Variants in PPP1R9A observed in about 807,000 individuals in gnomAD.
PPP1R9A encodes the protein protein phosphatase 1 regulatory subunit 9A.
PPP1R9A carries 59 observed loss-of-function variants against 141.9 expected under a neutral mutation model. The observed-to-expected ratio is 0.42, with a 90% confidence interval of 0.34 to 0.52. The LOEUF is 0.52. PPP1R9A is among the 20% of genes least tolerant of loss of function. PPP1R9A has a pLI of 0.10. For synonymous variants in PPP1R9A, 500 were observed against 569.7 expected, an observed-to-expected ratio of 0.88 and a Z score of 1.74; for missense variants, 1,444 against 1,611.9, an observed-to-expected ratio of 0.90 and a Z score of 1.78.
In PPP1R9A at chr7:94,994,930, CT is replaced by C. The variant is rs1198600889; in HGVS notation, c.1395+83427del. On this transcript the variant is annotated intron_variant, in intron 2 of 19. Transcript: ENST00000433360. ...CAAAAAACCCACAAAACCCAAATTG[CT>C]TTTTCAAGGTAAGCCAAATTTGCAT... 2.6e-5 allele frequency among the ~76,000 whole-genome samples: 4 copies of C among 151,726 alleles called. No individual in the cohort carries two copies. In the East Asian group the frequency reaches 5.8e-4, roughly 22 times the overall value.
At chr7:95,076,992 C>T (rs1244076967) in intron 2 of PPP1R9A, among the ~76,000 whole-genome samples, 3 of 150,944 alleles carry the variant, frequency 2.0e-5, no homozygotes, top group Non-Finnish European at 3.0e-5. Flanking sequence ...TATTTTTTTT[C>T]TTGTCTGATT....
At chr7:95,082,324 G>A (rs1381193835) in intron 2 of PPP1R9A, among the ~76,000 whole-genome samples, 2 of 148,826 alleles carry the variant, frequency 1.3e-5, no homozygotes, top group Non-Finnish European at 3.0e-5. Context: ...CATGTGTAGA[G>A]CTGTGAGCAT....
Position 95,194,420 on chromosome 7 carries a change from C to G in PPP1R9A, c.1755-3929C>G, listed in dbSNP as rs371006094. On this transcript the variant is annotated intron_variant, in intron 5 of 19. Transcript: ENST00000433360. ...GCAGTGAACAAAGTGAGGATGTCTACTCTTACCCCTTCTTTTTAATATATG... is the reference window on the plus strand; with the variant it reads ...GCAGTGAACAAAGTGAGGATGTCTAGTCTTACCCCTTCTTTTTAATATATG... 6.6e-5 allele frequency among the ~76,000 whole-genome samples: 10 copies of G among 152,146 alleles called. No homozygotes were observed. In the East Asian group the frequency reaches 1.7e-3, roughly 26 times the overall value.
At position 95,295,655 on chromosome 7, in the gene PPP1R9A, G is replaced by A. The variant is rs1807006607; in HGVS notation, c.*5352G>A. The A allele has an allele frequency of 6.6e-6, 1 of 152,158 alleles. No homozygotes were observed. 9.4% of individuals were successfully genotyped at this position (152,158 alleles called of 1,614,324 possible). A position where few individuals can be genotyped will look rare whatever the true frequency, so the allele number is the denominator to read the frequency against. On this transcript the variant is annotated 3_prime_UTR_variant, in exon 20 of 20. Transcript: ENST00000433360. ...TGGTTGGGAGTGTATGTTGTTGGAAGGTGTACACTTCTGTTTCTTTCAGCT... is the reference window on the plus strand; with the variant it reads ...TGGTTGGGAGTGTATGTTGTTGGAAAGTGTACACTTCTGTTTCTTTCAGCT...
chr7:95,062,685 G>T (rs1454468464), intron 2 of PPP1R9A, among the ~76,000 whole-genome samples: 1 of 152,022 alleles, frequency 6.6e-6, no homozygotes, highest in African/African-American at 2.4e-5. Context: ...ACCGCACCCG[G>T]CCAAGGGGGA....
chr7:95,256,110 A>G (rs1344010493), intron 12 of PPP1R9A, among the ~76,000 whole-genome samples: 1 of 151,884 alleles, frequency 6.6e-6, no homozygotes, highest in East Asian at 1.9e-4. Flanking sequence ...TCCCTTAGTT[A>G]CTTACTGTTC....
chr7:95,153,295 GAAGTT>G (rs1272997631), intron 4 of PPP1R9A, among the ~76,000 whole-genome samples: 2 of 152,270 alleles, frequency 1.3e-5, no homozygotes, highest in African/African-American at 4.8e-5. Flanking sequence ...TCAAGATCTT[GAAGTT>G]AAGTACACAA....
intron 5 of PPP1R9A, among the ~76,000 whole-genome samples, chr7:95,195,926 A>C (rs562307572): frequency 6.6e-6 from 1 of 152,218 alleles, no homozygotes; most frequent in Admixed American, 6.5e-5. Flanking sequence ...CATGGGGCAC[A>C]TGCTTGTTAG....
chr7:95,086,082 A>G (rs1418794918), intron 2 of PPP1R9A, among the ~76,000 whole-genome samples: 1 of 151,844 alleles, frequency 6.6e-6, no homozygotes, highest in Non-Finnish European at 1.5e-5. Flanking sequence ...CCAAAATAAT[A>G]TTAAAATTTA....
chr7:95,103,639 A>G (rs779639574), intron 2 of PPP1R9A, among the ~76,000 whole-genome samples: 1 of 152,146 alleles, frequency 6.6e-6, no homozygotes, highest in Non-Finnish European at 1.5e-5. Context: ...AAGTGCTGGG[A>G]TTACAGGCGT....
rs912560819 is a variant in PPP1R9A, at chr7:94,910,050, A to T, written c.-64A>T. On this transcript the variant is annotated 5_prime_UTR_variant, in exon 2 of 20. Coordinates refer to ENST00000433360, the MANE Select transcript of PPP1R9A (RefSeq NM_001166160.2). This position sits in a 1 kb window ranked among gnomAD's most constrained non-coding sequence, Gnocchi z 4.5. ...ATACTGGTGATTAGAGAAGAGAGGT[A>T]TCTTGGTTTTTGGTTTTTTTCTTTG... 7.2e-7 allele frequency: 1 copy of T among 1,379,510 alleles called. No individual in the cohort carries two copies. The highest frequency in any genetic ancestry group is 1.0e-6 in the Non-Finnish European group (1 of 1,002,924). The allele number at this position is 1,379,510 out of a possible 1,614,324, so 85.5% of individuals were successfully genotyped here. A position where few individuals can be genotyped will look rare whatever the true frequency, so the allele number is the denominator to read the frequency against.
intron 4 of PPP1R9A, among the ~76,000 whole-genome samples, chr7:95,146,519 T>G (rs1457506905): frequency 6.6e-6 from 1 of 152,230 alleles, no homozygotes; most frequent in Non-Finnish European, 1.5e-5. Context: ...CATTTGTGAA[T>G]TTTGGCTTTT....
intron 7 of PPP1R9A, among the ~76,000 whole-genome samples, chr7:95,212,408 A>G (rs1792321122): frequency 6.6e-6 from 1 of 152,148 alleles, no homozygotes; most frequent in African/African-American, 2.4e-5. Context: ...AAGAAAGACC[A>G]CCATTAGATC....
At chr7:95,190,960 G>A (rs893685667) in intron 5 of PPP1R9A, among the ~76,000 whole-genome samples, 5 of 152,056 alleles carry the variant, frequency 3.3e-5, no homozygotes, top group Non-Finnish European at 7.4e-5. Context: ...TTGAATAAGT[G>A]CCATTTTTGA....
chr7:95,019,030 C>T (rs1332453745), intron 2 of PPP1R9A, among the ~76,000 whole-genome samples: 1 of 152,202 alleles, frequency 6.6e-6, no homozygotes, highest in Non-Finnish European at 1.5e-5. Context: ...AACATTAACT[C>T]TTAACTTCAT....
intron 2 of PPP1R9A, among the ~76,000 whole-genome samples, chr7:95,085,906 A>G (rs936923251): frequency 1.3e-5 from 2 of 151,930 alleles, no homozygotes; most frequent in African/African-American, 4.8e-5. Context: ...AATTTCATCT[A>G]AAGGTTTTAA....
intron 7 of PPP1R9A, among the ~76,000 whole-genome samples, chr7:95,207,798 T>C (rs530354284): frequency 6.6e-6 from 1 of 152,276 alleles, no homozygotes; most frequent in Admixed American, 6.5e-5. Flanking sequence ...ATAATTAATG[T>C]AAAATAAAAC....
At chr7:95,072,635 A>T (rs1310642082) in intron 2 of PPP1R9A, among the ~76,000 whole-genome samples, 1 of 126,798 alleles carries the variant, frequency 7.9e-6, no homozygotes, top group African/African-American at 3.0e-5. Context: ...TTGAAATTTT[A>T]TAATATATAA....
intron 4 of PPP1R9A, among the ~76,000 whole-genome samples, chr7:95,131,415 T>G (rs956351243): frequency 1.3e-5 from 2 of 152,200 alleles, no homozygotes; most frequent in Non-Finnish European, 2.9e-5. Context: ...TGATATGTCT[T>G]AATCAGCAGC....
Sources: gnomAD v4.1 joint callset for allele counts (sites outside exome capture counted in the v4.1 genomes callset) on GRCh38, gnomAD v4.1.1 for gene constraint, Gnocchi (gnomAD v3.1) non-coding constraint, MANE v1.5 for transcripts, NCBI Gene and HGNC (gene_info 2026-07-23, HGNC 2026-07-21) for gene names.